Variants in GMDS observed in about 807,000 individuals in gnomAD.
GMDS encodes the protein GDP-mannose 4,6 dehydratase.
In GMDS, 20 loss-of-function variants were observed where a neutral mutation model predicts 49.9. The ratio of observed to expected loss-of-function variants is 0.40; its 90% CI spans 0.28 to 0.58. The LOEUF (loss-of-function observed/expected upper bound fraction) is 0.58. Among genes scored for constraint, GMDS ranks in the 20% least tolerant of loss-of-function variants. The pLI is 0.42. For missense variants in GMDS, 362 were observed against 481.4 expected, an observed-to-expected ratio of 0.75 and a Z score of 2.32; for synonymous variants, 177 against 178.6, an observed-to-expected ratio of 0.99 and a Z score of 0.07.
In GMDS at chr6:2,195,651, T is replaced by G. The variant is rs79215955; in HGVS notation, c.102+49670A>C. Among the ~76,000 whole-genome samples the G allele has an allele frequency of 5.5e-4, 83 of 152,206 alleles. 2 individuals carry two copies. In the East Asian group the frequency reaches 0.014, roughly 25 times the overall value. On this transcript the variant is annotated intron_variant, in intron 1 of 10. Coordinates refer to ENST00000380815, the MANE Select transcript of GMDS (RefSeq NM_001500.4). The stretch of plus-strand genomic sequence containing the variant: ...TTAGGTATTATGTGTCCTTCTTTTT[T>G]TCTAAAGAATGAAGGTATAAAATAA...
Position 2,061,693 on chromosome 6 carries a change from T to C in GMDS, c.345+54078A>G, listed in dbSNP as rs1044045562. Among the ~76,000 whole-genome samples the C allele has an allele frequency of 8.6e-4, 101 of 117,120 alleles. 1 individual carries two copies. The highest frequency in any genetic ancestry group is 3.3e-3 in the African/African-American group (98 of 29,854). The allele number at this position is 117,120 out of a possible 152,430, so 76.8% of individuals were successfully genotyped here. A position where few individuals can be genotyped will look rare whatever the true frequency, so the allele number is the denominator to read the frequency against. ...GAGATTGTGTCACTGCACTCCAGCC[T>C]GGGTGACAGTGCAAGACTCTGTCTC... is the stretch of plus-strand genomic sequence containing the variant. On this transcript the variant is annotated intron_variant, in intron 4 of 10. Coordinates refer to ENST00000380815, the MANE Select transcript of GMDS (RefSeq NM_001500.4).
intron 7 of GMDS, among the ~76,000 whole-genome samples, chr6:1,911,700 T>C (rs975389277): frequency 1.3e-5 from 2 of 152,204 alleles, no homozygotes; most frequent in East Asian, 3.8e-4. Context: ...AATAACGGCA[T>C]GAACCATTCT....
At chr6:2,032,582 A>G (rs577601858) in intron 4 of GMDS, among the ~76,000 whole-genome samples, 26 of 152,302 alleles carry the variant, frequency 1.7e-4, no homozygotes, top group Middle Eastern at 3.4e-3. Context: ...CTACTACACA[A>G]CAAGTATTGT....
chr6:1,745,204 T>C (rs1316420444), intron 7 of GMDS, among the ~76,000 whole-genome samples: 1 of 152,266 alleles, frequency 6.6e-6, no homozygotes, highest in Non-Finnish European at 1.5e-5. Flanking sequence ...CAGCTTATTT[T>C]ACTTCTTTAG....
intron 7 of GMDS, among the ~76,000 whole-genome samples, chr6:1,754,565 G>A (rs1182415092): frequency 6.6e-6 from 1 of 152,044 alleles, no homozygotes; most frequent in African/African-American, 2.4e-5. Context: ...AACTTGGTGA[G>A]ACACAACAAA....
At chr6:1,734,465 C>T (rs1381698837) in intron 8 of GMDS, among the ~76,000 whole-genome samples, 1 of 152,224 alleles carries the variant, frequency 6.6e-6, no homozygotes, top group African/African-American at 2.4e-5. Context: ...CACAAATTCA[C>T]AGGGCTGAAC....
chr6:2,094,321 A>G (rs945884490), intron 4 of GMDS, among the ~76,000 whole-genome samples: 1 of 152,254 alleles, frequency 6.6e-6, no homozygotes, highest in Non-Finnish European at 1.5e-5. Flanking sequence ...CAAGATTGCA[A>G]CTTAACAAAG....
chr6:2,187,035 C>T lies in GMDS; in HGVS notation c.102+58286G>A, dbSNP rs115767203. ...AAATGATTCTTGCTCTTTAGTCAAT[C>T]GTATTTCCTATTTTCCTCTATATTG... On this transcript the variant is annotated intron_variant, in intron 1 of 10. Coordinates refer to ENST00000380815, the MANE Select transcript of GMDS (RefSeq NM_001500.4). 5.5e-3 allele frequency among the ~76,000 whole-genome samples: 843 copies of T among 152,266 alleles called. 2 individuals are homozygous for T. Among genetic ancestry groups the T allele is most frequent in the Middle Eastern group, 0.017 (5 of 294 alleles).
intron 9 of GMDS, among the ~76,000 whole-genome samples, chr6:1,683,818 C>T (rs1223420126): frequency 1.3e-5 from 2 of 152,200 alleles, no homozygotes; most frequent in African/African-American, 4.8e-5. Flanking sequence ...AATCACACTG[C>T]ACCTGTCCTA....
intron 4 of GMDS, among the ~76,000 whole-genome samples, chr6:2,104,602 C>T (rs181553505): frequency 2.0e-5 from 3 of 152,294 alleles, no homozygotes; most frequent in African/African-American, 7.2e-5. Flanking sequence ...TGCTTCCCTA[C>T]ACAAACGTAA....
intron 9 of GMDS, among the ~76,000 whole-genome samples, chr6:1,698,470 CAGA>C (rs1221285627): frequency 2.0e-5 from 3 of 152,064 alleles, no homozygotes; most frequent in Admixed American, 2.0e-4. Context: ...CTTCTGTTTC[CAGA>C]AAGAGTTGAG....
At chr6:1,916,542 G>C (rs962361635) in intron 7 of GMDS, among the ~76,000 whole-genome samples, 9 of 152,000 alleles carry the variant, frequency 5.9e-5, no homozygotes, top group African/African-American at 2.2e-4. Context: ...GTGAAAGAAA[G>C]AGAGAGAGAC....
rs79347012 is a variant in GMDS, at chr6:1,966,285, G to C, written c.346-5319C>G. 2.7e-3 allele frequency among the ~76,000 whole-genome samples: 405 copies of C among 150,714 alleles called. 1 individual carries two copies. Among genetic ancestry groups the C allele is most frequent in the African/African-American group, 9.4e-3 (385 of 41,006 alleles). ...TATGAAGTATGCATCCAATCACAAA[G>C]AGAGTTGCATTTTCAGAGGCATGCA... On this transcript the variant is annotated intron_variant, in intron 4 of 10. Coordinates refer to ENST00000380815, the MANE Select transcript of GMDS (RefSeq NM_001500.4).
chr6:2,032,559 T>G (rs1404424797), intron 4 of GMDS, among the ~76,000 whole-genome samples: 2 of 152,200 alleles, frequency 1.3e-5, no homozygotes, highest in African/African-American at 4.8e-5. Flanking sequence ...ATTTATTAAA[T>G]ATTTACTGAT....
intron 4 of GMDS, among the ~76,000 whole-genome samples, chr6:2,083,209 G>A (rs996036517): frequency 6.6e-6 from 1 of 152,254 alleles, no homozygotes; most frequent in South Asian, 2.1e-4. Flanking sequence ...TAACACTTTA[G>A]CACGATGTCG....
intron 7 of GMDS, among the ~76,000 whole-genome samples, chr6:1,786,123 A>G (rs564022582): frequency 1.3e-5 from 2 of 152,370 alleles, no homozygotes; most frequent in Non-Finnish European, 2.9e-5. Flanking sequence ...GGTCTTGGAA[A>G]GTCTTTCTAG....
At chr6:1,668,287 G>A (rs1336660319) in intron 9 of GMDS, among the ~76,000 whole-genome samples, 2 of 152,052 alleles carry the variant, frequency 1.3e-5, no homozygotes, top group Admixed American at 6.6e-5. Context: ...GGATACTGGA[G>A]AACAAATAAA....
At chr6:1,925,125 G>C (rs1761929843) in intron 7 of GMDS, among the ~76,000 whole-genome samples, 1 of 152,208 alleles carries the variant, frequency 6.6e-6, no homozygotes, top group Non-Finnish European at 1.5e-5. Context: ...ATTAATTACA[G>C]AATCTGGGTG....
rs139898528 is a variant in GMDS at position 1,687,245 on chromosome 6, C to G, written c.987+39171G>C. Among the ~76,000 whole-genome samples, 612 of 152,322 alleles carry G rather than the reference C, an allele frequency of 4.0e-3. 9 individuals carry two copies. Among genetic ancestry groups the G allele is most frequent in the Middle Eastern group, 0.031 (9 of 294 alleles). On this transcript the variant is annotated intron_variant, in intron 9 of 10. Coordinates refer to ENST00000380815, the MANE Select transcript of GMDS (RefSeq NM_001500.4). ...CTCCTGTTCAACTACAGCAACACCC[C>G]CAAGGCTTGAACATCAGGAAGGACG...
Sources: gnomAD v4.1 joint callset for allele counts (sites outside exome capture counted in the v4.1 genomes callset) on GRCh38, gnomAD v4.1.1 for gene constraint, MANE v1.5 for transcripts, NCBI Gene and HGNC (gene_info 2026-07-23, HGNC 2026-07-21) for gene names.